Variants in TRHDE observed in about 807,000 individuals in gnomAD.
The protein encoded by TRHDE is thyrotropin releasing hormone degrading enzyme.
Under a neutral mutation model 125.7 loss-of-function variants are expected in TRHDE, and 72 were observed. The ratio of observed to expected loss-of-function variants is 0.57; its 90% CI spans 0.47 to 0.70. TRHDE has a LOEUF of 0.70. Among genes scored for constraint, TRHDE ranks in the 30% least tolerant of loss-of-function variants. TRHDE has a pLI of 0.00. For missense variants in TRHDE, 1,110 were observed against 1,327.1 expected (o/e 0.84, Z 2.54); for synonymous variants, 509 against 509.1 (o/e 1.00, Z 0.00).
At position 72,502,949 on chromosome 12, in the gene TRHDE, C is replaced by T. The variant is rs545677984; in HGVS notation, c.1722+3314C>T. ...TCAGCATCAGGCCTTTATGTAAATT[C>T]AGTTTCTTAGCCTTGTTCTTTGATT... On this transcript the variant is annotated intron_variant, in intron 6 of 18. Coordinates refer to ENST00000261180, the MANE Select transcript of TRHDE (RefSeq NM_013381.3). Among the ~76,000 whole-genome samples the T allele has an allele frequency of 3.9e-5, 6 of 152,258 alleles. No individual in the cohort carries two copies. The East Asian group carries it at 1.2e-3, about 29-fold the overall frequency.
intron 2 of TRHDE, among the ~76,000 whole-genome samples, chr12:72,330,398 T>A (rs1869538684): frequency 6.6e-6 from 1 of 150,982 alleles, no homozygotes; most frequent in Non-Finnish European, 1.5e-5. Flanking sequence ...ACATAGTTGG[T>A]TCATGTGGCC....
chr12:72,102,248 C>CT (rs756803161), intron 1 of TRHDE, among the ~76,000 whole-genome samples: 4 of 152,066 alleles, frequency 2.6e-5, no homozygotes, highest in Non-Finnish European at 4.4e-5. Context: ...AATAGCAGGG[C>CT]TTAGAGTAGG....
intron 7 of TRHDE, among the ~76,000 whole-genome samples, chr12:72,549,156 G>T (rs1307520318): frequency 6.6e-6 from 1 of 151,862 alleles, no homozygotes; most frequent in South Asian, 2.1e-4. Context: ...ATTGGTTTGT[G>T]CTCATAAAAT....
intron 1 of TRHDE, among the ~76,000 whole-genome samples, chr12:72,276,009 A>C (rs1475894391): frequency 6.6e-6 from 1 of 152,056 alleles, no homozygotes; most frequent in Admixed American, 6.6e-5. Context: ...AAATCTTATA[A>C]TTTCTTGGAT....
intron 2 of TRHDE, among the ~76,000 whole-genome samples, chr12:72,359,140 A>G (rs1870953661): frequency 6.6e-6 from 1 of 150,666 alleles, no homozygotes; most frequent in South Asian, 2.1e-4. Context: ...TTAACACTAG[A>G]CAAGTTATTA....
intron 2 of TRHDE, among the ~76,000 whole-genome samples, chr12:72,182,429 G>A (rs1336959150): frequency 2.6e-5 from 4 of 152,222 alleles, no homozygotes; most frequent in African/African-American, 4.8e-5. Context: ...CAGGACTTCA[G>A]TGGTACCAAA....
intron 15 of TRHDE, among the ~76,000 whole-genome samples, chr12:72,648,477 T>G (rs2136106724): frequency 6.6e-6 from 1 of 152,242 alleles, no homozygotes; most frequent in Non-Finnish European, 1.5e-5. Context: ...GTACATGACA[T>G]GATCTCATAT....
intron 2 of TRHDE, among the ~76,000 whole-genome samples, chr12:72,313,212 T>G (rs1868632243): frequency 6.6e-6 from 1 of 152,084 alleles, no homozygotes. Context: ...TTGATGGATT[T>G]TTTAAAAAAT....
intron 2 of TRHDE, among the ~76,000 whole-genome samples, chr12:72,322,215 C>T (rs1052862199): frequency 1.3e-5 from 2 of 152,106 alleles, no homozygotes; most frequent in South Asian, 4.1e-4. Context: ...AGGAGATGCT[C>T]TACCTGTTTC....
chr12:72,591,543 G>T, intron 12 of TRHDE, among the ~76,000 whole-genome samples: 1 of 147,132 alleles, frequency 6.8e-6, no homozygotes, highest in East Asian at 2.0e-4. Flanking sequence ...TGCTTATGAA[G>T]AAATTAAGAA....
At chr12:72,535,906 C>T (rs1394775628) in intron 6 of TRHDE, among the ~76,000 whole-genome samples, 1 of 152,034 alleles carries the variant, frequency 6.6e-6, no homozygotes, top group Non-Finnish European at 1.5e-5. Context: ...TTCAGTAACT[C>T]AAAAAGTAAA....
At chr12:72,566,049 T>C (rs1442945387) in intron 9 of TRHDE, among the ~76,000 whole-genome samples, 1 of 152,084 alleles carries the variant, frequency 6.6e-6, no homozygotes, top group Non-Finnish European at 1.5e-5. Flanking sequence ...GGTCTTCTAG[T>C]CTTTTAAGTT....
chr12:72,568,348 G>A (rs1870549243), intron 9 of TRHDE, among the ~76,000 whole-genome samples: 1 of 151,816 alleles, frequency 6.6e-6, no homozygotes, highest in African/African-American at 2.4e-5. Context: ...AGTTCTCTTT[G>A]CATTGCAATT....
intron 18 of TRHDE, among the ~76,000 whole-genome samples, chr12:72,662,366 A>G (rs1874950340): frequency 6.6e-6 from 1 of 152,184 alleles, no homozygotes; most frequent in Admixed American, 6.6e-5. Context: ...ATAAAATTTT[A>G]TGTCAAAAAA....
intron 4 of TRHDE, among the ~76,000 whole-genome samples, chr12:72,470,343 C>T (rs1230463226): frequency 1.3e-5 from 2 of 152,194 alleles, no homozygotes; most frequent in Admixed American, 1.3e-4. Flanking sequence ...TGTTATTCCC[C>T]TTTTCCCACC....
intron 2 of TRHDE, chr12:72,253,415 T>C (rs570039497): frequency 1.3e-5 from 2 of 152,470 alleles, no homozygotes; most frequent in African/African-American, 4.8e-5. Context: ...TAGTGCTGTG[T>C]TGAATAGGAG....
At chr12:72,450,022 T>C (rs1875495385) in intron 3 of TRHDE, among the ~76,000 whole-genome samples, 1 of 152,008 alleles carries the variant, frequency 6.6e-6, no homozygotes, top group South Asian at 2.1e-4. Flanking sequence ...GTTTCTCATC[T>C]GAATTTAATA....
chr12:72,151,034 A>G (rs1876350190), intron 2 of TRHDE, among the ~76,000 whole-genome samples: 1 of 152,100 alleles, frequency 6.6e-6, no homozygotes, highest in African/African-American at 2.4e-5. Context: ...AAGTGTTCCT[A>G]TTTCTCCACA....
intron 6 of TRHDE, among the ~76,000 whole-genome samples, chr12:72,533,702 C>T (rs1429087558): frequency 6.9e-6 from 1 of 145,722 alleles, no homozygotes; most frequent in African/African-American, 2.5e-5. Context: ...ATCTTCTCAA[C>T]CATTTCTTTG....
Sources: gnomAD v4.1 joint callset for allele counts (sites outside exome capture counted in the v4.1 genomes callset) on GRCh38, gnomAD v4.1.1 for gene constraint, MANE v1.5 for transcripts, NCBI Gene and HGNC (gene_info 2026-07-23, HGNC 2026-07-21) for gene names.